Variants in CFAP299 observed in about 807,000 individuals in gnomAD.
CFAP299 encodes cilia and flagella associated protein 299, also known as cilia- and flagella-associated protein 299.
Under a neutral mutation model 27.0 loss-of-function variants are expected in CFAP299, and 21 were observed. The ratio of observed to expected loss-of-function variants is 0.78; its 90% CI spans 0.55 to 1.12. CFAP299 has a LOEUF of 1.12. CFAP299 is among the 50% of genes most tolerant of loss of function. CFAP299 has a pLI of 0.00. For synonymous variants in CFAP299, 104 were observed against 98.1 expected, an observed-to-expected ratio of 1.06 and a Z score of -0.36; for missense variants, 310 against 276.6, an observed-to-expected ratio of 1.12 and a Z score of -0.86.
intron 4 of CFAP299, among the ~76,000 whole-genome samples, chr4:80,940,194 G>A (rs1483955894): frequency 6.6e-6 from 1 of 152,018 alleles, no homozygotes; most frequent in Non-Finnish European, 1.5e-5. Flanking sequence ...AGGATATATG[G>A]CCATATTTTG....
At position 80,805,221 on chromosome 4, in the gene CFAP299, G is replaced by A. The variant is rs1307216529; in HGVS notation, c.334-64772G>A. On this transcript the variant is annotated intron_variant, in intron 3 of 5. Coordinates refer to ENST00000358105, the MANE Select transcript of CFAP299 (RefSeq NM_152770.3). ...TATATTTAAAAGAAAATTTGAGAAT[G>A]AAATCTATTATAAATAATATTGAGA... Among the ~76,000 whole-genome samples, 4 of 152,018 alleles carry A rather than the reference G, an allele frequency of 2.6e-5. No homozygotes were observed. In the South Asian group the frequency reaches 6.2e-4, roughly 24 times the overall value.
chr4:80,372,408 G>C (rs1342432412), intron 2 of CFAP299, among the ~76,000 whole-genome samples: 3 of 152,202 alleles, frequency 2.0e-5, no homozygotes, highest in Non-Finnish European at 4.4e-5. Context: ...ACTTTGTATT[G>C]GATTTGATGC....
intron 2 of CFAP299, among the ~76,000 whole-genome samples, chr4:80,487,352 G>C (rs1404453444): frequency 2.0e-5 from 3 of 152,128 alleles, no homozygotes; most frequent in Non-Finnish European, 2.9e-5. Context: ...TGTTATCTGT[G>C]GGATTTTAAT....
At chr4:80,734,027 T>C (rs1328552784) in intron 3 of CFAP299, among the ~76,000 whole-genome samples, 1 of 152,126 alleles carries the variant, frequency 6.6e-6, no homozygotes, top group African/African-American at 2.4e-5. Context: ...TTTTTAGTTT[T>C]TTAAGGAACC....
intron 2 of CFAP299, among the ~76,000 whole-genome samples, chr4:80,390,818 T>TATATGTATATGTATATATGTATACACAC (rs1725398763): frequency 7.7e-6 from 1 of 129,574 alleles, no homozygotes; most frequent in African/African-American, 2.7e-5. Flanking sequence ...TATACACACA[T>TATATGTATATGTATATATGTATACACAC]ATATGTATAT....
chr4:80,733,480 T>A (rs1458193560), intron 3 of CFAP299, among the ~76,000 whole-genome samples: 1 of 152,148 alleles, frequency 6.6e-6, no homozygotes, highest in Non-Finnish European at 1.5e-5. Context: ...TTCTACTCTT[T>A]TAGTTTTAAA....
At chr4:80,665,768 T>C (rs753281740) in intron 3 of CFAP299, among the ~76,000 whole-genome samples, 2 of 152,122 alleles carry the variant, frequency 1.3e-5, no homozygotes, top group Non-Finnish European at 2.9e-5. Flanking sequence ...AGTGATTAGA[T>C]TGTGGGAGTA....
At chr4:80,885,728 G>T (rs1435396840) in intron 4 of CFAP299, among the ~76,000 whole-genome samples, 2 of 152,222 alleles carry the variant, frequency 1.3e-5, no homozygotes, top group East Asian at 3.9e-4. Flanking sequence ...TACTCAGGGA[G>T]TATGCTATGG....
At chr4:80,803,734 T>C (rs1728726489) in intron 3 of CFAP299, among the ~76,000 whole-genome samples, 1 of 149,068 alleles carries the variant, frequency 6.7e-6, no homozygotes, top group African/African-American at 2.4e-5. Flanking sequence ...TAATGTATAA[T>C]ATATATTTTA....
intron 3 of CFAP299, among the ~76,000 whole-genome samples, chr4:80,848,617 CTAAAAATAAATTAGCTGAGT>C (rs1485365972): frequency 2.0e-5 from 3 of 151,606 alleles, no homozygotes; most frequent in Admixed American, 1.3e-4. Flanking sequence ...AATACTAAAA[CTAAAAATAAATTAGCTGAGT>C]GTGGTGGCAC....
At chr4:80,744,357 C>T (rs1435878737) in intron 3 of CFAP299, among the ~76,000 whole-genome samples, 3 of 120,870 alleles carry the variant, frequency 2.5e-5, no homozygotes, top group Admixed American at 2.2e-4. Context: ...AGCTCTCCTC[C>T]AAACCTGATC....
chr4:80,794,013 T>G (rs951506276), intron 3 of CFAP299, among the ~76,000 whole-genome samples: 3 of 152,176 alleles, frequency 2.0e-5, no homozygotes, highest in African/African-American at 4.8e-5. Flanking sequence ...ATTGGTCTGT[T>G]GTAGTTTCCC....
chr4:80,687,297 C>G (rs1026279647), intron 3 of CFAP299, among the ~76,000 whole-genome samples: 1 of 152,192 alleles, frequency 6.6e-6, no homozygotes, highest in African/African-American at 2.4e-5. Context: ...GTGATCTCCT[C>G]AGCCTTAGAA....
chr4:80,526,050 G>A (rs974186360), intron 2 of CFAP299, among the ~76,000 whole-genome samples: 7 of 152,204 alleles, frequency 4.6e-5, no homozygotes, highest in African/African-American at 1.4e-4. Context: ...CCTTTCAGTT[G>A]GGTTTTAAAT....
In CFAP299 at chr4:80,662,068, C is replaced by T. The variant is rs375627062; in HGVS notation, c.333+78885C>T. 5.9e-5 allele frequency among the ~76,000 whole-genome samples: 9 copies of T among 152,218 alleles called. No homozygotes were observed. The East Asian group carries it at 9.7e-4, about 16-fold the overall frequency. Reference sequence around the variant, plus strand: ...GATGTTATCAATGACAATGCGTGCCCGAAACTTCATTAGCAATTTTAATTT... The same window carrying T: ...GATGTTATCAATGACAATGCGTGCCTGAAACTTCATTAGCAATTTTAATTT... On this transcript the variant is annotated intron_variant, in intron 3 of 5. Transcript: ENST00000358105.
rs73829135 is a variant in CFAP299, at chr4:80,810,258, C to T, written c.334-59735C>T. 6.1e-3 allele frequency among the ~76,000 whole-genome samples: 933 copies of T among 151,756 alleles called. 7 individuals carry two copies. The highest frequency in any genetic ancestry group is 0.021 in the African/African-American group (877 of 41,348). On this transcript the variant is annotated intron_variant, in intron 3 of 5. Transcript: ENST00000358105. Reference sequence around the variant, plus strand: ...ATTCATATTTGTTAACGTTCCCTACCCAGCCCTTGAAGGAACTTAATCAGA... The same window carrying T: ...ATTCATATTTGTTAACGTTCCCTACTCAGCCCTTGAAGGAACTTAATCAGA...
chr4:80,809,404 T>TA (rs1729026451), intron 3 of CFAP299, among the ~76,000 whole-genome samples: 1 of 152,024 alleles, frequency 6.6e-6, no homozygotes. Context: ...ACCATGCAAG[T>TA]GTTTGGTGAT....
chr4:80,796,263 G>C (rs2110102295), intron 3 of CFAP299, among the ~76,000 whole-genome samples: 1 of 152,284 alleles, frequency 6.6e-6, no homozygotes, highest in South Asian at 2.1e-4. Context: ...TGGACCTCTA[G>C]AAATTTTACT....
chr4:80,717,486 A>G (rs1464074725), intron 3 of CFAP299, among the ~76,000 whole-genome samples: 2 of 152,172 alleles, frequency 1.3e-5, no homozygotes, highest in African/African-American at 4.8e-5. Flanking sequence ...GAAATCACAT[A>G]TGACTACTAG....
Sources: allele counts gnomAD v4.1 joint callset (sites outside exome capture counted in the v4.1 genomes callset), GRCh38; gene constraint gnomAD v4.1.1; transcripts MANE v1.5; gene names NCBI Gene and HGNC (gene_info 2026-07-23, HGNC 2026-07-21).